Variants in SLC2A9 observed in about 807,000 individuals in gnomAD.
SLC2A9 encodes the protein solute carrier family 2 member 9.
SLC2A9 carries 39 observed loss-of-function variants against 50.6 expected under a neutral mutation model. That is an observed-to-expected ratio of 0.77 (90% CI 0.60 to 1.01). SLC2A9 has a LOEUF of 1.01. SLC2A9 is among the 50% of genes least tolerant of loss of function. SLC2A9 has a pLI of 0.00. For missense variants in SLC2A9, 686 were observed against 677.6 expected (o/e 1.01, Z -0.14); for synonymous variants, 324 against 276.9 (o/e 1.17, Z -1.69).
chr4:9,851,949 G>T (rs76482463), intron 10 of SLC2A9, among the ~76,000 whole-genome samples: 1 of 152,160 alleles, frequency 6.6e-6, no homozygotes, highest in Admixed American at 6.5e-5. Context: ...ATGACTCACT[G>T]GTGTCTCTGA....
chr4:9,890,512 T>A (rs996800988), intron 9 of SLC2A9, 98 bp downstream of exon 9: 1 of 1,108,508 alleles, frequency 9.0e-7, no homozygotes, highest in African/African-American at 1.5e-5. Flanking sequence ...GTGTTTTCTG[T>A]AGAAGTATGA....
At chr4:9,784,199 T>TCTTTTTATTA (rs1467176962) in intron 3 of SLC2A9, among the ~76,000 whole-genome samples, 11 of 152,344 alleles carry the variant, frequency 7.2e-5, no homozygotes, top group African/African-American at 2.6e-4. Flanking sequence ...TTCTCAGGTT[T>TCTTTTTATTA]CTTTTTATTA....
chr4:9,844,816 T>TA (rs1283820540), intron 10 of SLC2A9, among the ~76,000 whole-genome samples: 3 of 152,264 alleles, frequency 2.0e-5, no homozygotes, highest in Admixed American at 6.5e-5. Context: ...TTCTCATCTA[T>TA]AAAATGAAGA....
chr4:9,802,294 C>T (rs1220961290), intron 3 of SLC2A9, among the ~76,000 whole-genome samples: 1 of 148,314 alleles, frequency 6.7e-6, no homozygotes, highest in Non-Finnish European at 1.5e-5. Context: ...AACTAGAGCT[C>T]ATAATGAGAA....
intron 2 of SLC2A9, among the ~76,000 whole-genome samples, chr4:10,010,697 C>G (rs900950596): frequency 6.6e-6 from 1 of 152,166 alleles, no homozygotes; most frequent in African/African-American, 2.4e-5. Flanking sequence ...AAGCATTTCC[C>G]CCAAGCTACA....
intron 10 of SLC2A9, among the ~76,000 whole-genome samples, chr4:9,861,129 G>A (rs924516942): frequency 5.3e-5 from 8 of 152,104 alleles, no homozygotes; most frequent in Middle Eastern, 3.2e-3. Context: ...TTAAAAAAGA[G>A]GTTTAATTGG....
At chr4:10,039,377 G>C (rs200677384) in intron 1 of SLC2A9, among the ~76,000 whole-genome samples, 1 of 152,178 alleles carries the variant, frequency 6.6e-6, no homozygotes, top group Admixed American at 6.5e-5. Flanking sequence ...AAGATGGGAC[G>C]TGAAGGGCCA....
At chr4:9,940,847 T>C (rs1289774788) in intron 6 of SLC2A9, among the ~76,000 whole-genome samples, 2 of 152,262 alleles carry the variant, frequency 1.3e-5, no homozygotes, top group Admixed American at 6.5e-5. Context: ...AAATTGTATA[T>C]ATAATTCTCA....
At chr4:9,916,690 A>T (rs1277306241) in intron 7 of SLC2A9, among the ~76,000 whole-genome samples, 2 of 152,150 alleles carry the variant, frequency 1.3e-5, no homozygotes, top group Non-Finnish European at 2.9e-5. Flanking sequence ...TTCTGTGTTT[A>T]AGAAAGAAGG....
At chr4:9,831,598 G>A (rs575958035) in intron 11 of SLC2A9, among the ~76,000 whole-genome samples, 14 of 152,316 alleles carry the variant, frequency 9.2e-5, no homozygotes, top group South Asian at 2.1e-4. Context: ...GCACTCTTGC[G>A]CTGCCGCCCA....
intron 3 of SLC2A9, among the ~76,000 whole-genome samples, chr4:9,988,518 G>C (rs773068325): frequency 2.0e-5 from 3 of 152,188 alleles, no homozygotes; most frequent in Non-Finnish European, 2.9e-5. Flanking sequence ...GGATGGAAAT[G>C]TGTGCAAATC....
chr4:9,968,105 A>C (rs1431954613), intron 5 of SLC2A9, among the ~76,000 whole-genome samples: 1 of 152,194 alleles, frequency 6.6e-6, no homozygotes, highest in African/African-American at 2.4e-5. Context: ...TTTTAATTGT[A>C]AAAATTTTCA....
At chr4:9,791,078 T>C (rs1165474904) in intron 3 of SLC2A9, among the ~76,000 whole-genome samples, 1 of 152,244 alleles carries the variant, frequency 6.6e-6, no homozygotes, top group African/African-American at 2.4e-5. Flanking sequence ...TCCTCATTGA[T>C]GGAGAACCCT....
intron 10 of SLC2A9, among the ~76,000 whole-genome samples, chr4:9,847,482 G>A (rs1406401182): frequency 1.3e-5 from 2 of 152,222 alleles, no homozygotes; most frequent in Non-Finnish European, 2.9e-5. Context: ...TGGGCACACA[G>A]AGCCAAACCA....
chr4:9,977,661 C>T (rs1349570092), intron 5 of SLC2A9, among the ~76,000 whole-genome samples: 1 of 151,892 alleles, frequency 6.6e-6, no homozygotes, highest in South Asian at 2.1e-4. Context: ...CCCATTGCCT[C>T]TCTCTTCCTA....
At chr4:9,782,042 G>A in intron 3 of SLC2A9, 1 of 1,472,902 alleles carries the variant, frequency 6.8e-7, no homozygotes, top group South Asian at 1.4e-5. Flanking sequence ...GCTGCCGCCA[G>A]GCAGCAACGG....
chr4:9,999,978 T>G (rs78281350), intron 2 of SLC2A9, among the ~76,000 whole-genome samples: 520 of 152,234 alleles, frequency 3.4e-3, no homozygotes, highest in African/African-American at 0.012. Context: ...CAGATGGTGT[T>G]GCAGAAAGTG....
In SLC2A9 at chr4:10,019,050, C is replaced by T. The variant is rs1388972858; in HGVS notation, c.174G>A (p.Val58=). 6.4e-7 allele frequency: 1 copy of T among 1,551,148 alleles called. No individual in the cohort carries two copies. Among genetic ancestry groups the T allele is most frequent in the African/African-American group, 1.4e-5 (1 of 73,166 alleles). The change falls in exon 2 of 12, where the codon GTG becomes GTA. Residue 58 remains valine, a synonymous_variant. Transcript: ENST00000264784. ...RRKDWSCSLL[V]ASLAGAFGSS... is the part of the protein sequence containing the mutation. ...AGCCGAAGGCGCCCGCGAGGGAGGC[C>T]ACGAGGAGCGAGCAGGACCAGTCCT...
At chr4:10,009,760 G>A (rs1367370029) in intron 2 of SLC2A9, 1 of 152,206 alleles carries the variant, frequency 6.6e-6, no homozygotes, top group Non-Finnish European at 1.5e-5. Flanking sequence ...GGGCCAATGA[G>A]TTAGACTCCT....
Sources: gnomAD v4.1 joint callset for allele counts (sites outside exome capture counted in the v4.1 genomes callset) on GRCh38, gnomAD v4.1.1 for gene constraint, MANE v1.5 for transcripts, NCBI Gene and HGNC (gene_info 2026-07-23, HGNC 2026-07-21) for gene names.